Variants in SPTBN2 observed in about 807,000 individuals in gnomAD.
The protein encoded by SPTBN2 is spectrin beta, non-erythrocytic 2, also known as spectrin beta chain, non-erythrocytic 2.
SPTBN2 carries 107 observed loss-of-function variants against 284.2 expected under a neutral mutation model. The ratio of observed to expected loss-of-function variants is 0.38; its 90% confidence interval spans 0.32 to 0.44. The LOEUF is 0.44. Ranked by LOEUF, SPTBN2 falls within the 20% of genes least tolerant of loss-of-function variation. The pLI is 1.00. For synonymous variants in SPTBN2, 1,289 were observed against 1,354.8 expected (o/e 0.95, Z 1.07); for missense variants, 2,569 against 3,287.1 (o/e 0.78, Z 5.34).
chr11:66,739,419 C>T (rs1942879770), intron 1 of SPTBN2, among the ~76,000 whole-genome samples: 3 of 152,110 alleles, frequency 2.0e-5, no homozygotes, highest in South Asian at 4.1e-4. Context: ...TTTTAGTTTT[C>T]CATAGCTAAA....
Position 66,718,591 on chromosome 11 carries a change from G to A in SPTBN2, c.157+2493C>T, listed in dbSNP as rs540107447. ...CGCTGGCCTCATGCAGGCCGTTCCC[G>A]TGCACCCTGCTCACTCCGTTCCCAT... On this transcript the variant is annotated intron_variant, in intron 3 of 37. Coordinates refer to ENST00000533211, the MANE Select transcript of SPTBN2 (RefSeq NM_006946.4). The surrounding 1 kb of genome is among the most constrained non-coding windows in gnomAD (Gnocchi z 4.8). Among the ~76,000 whole-genome samples the A allele has an allele frequency of 7.9e-5, 12 of 152,282 alleles. No individual in the cohort carries two copies. Among genetic ancestry groups the A allele is most frequent in the Admixed American group, 5.2e-4 (8 of 15,302 alleles).
intron 1 of SPTBN2, among the ~76,000 whole-genome samples, chr11:66,721,908 G>A (rs1003823740): frequency 2.6e-5 from 4 of 152,040 alleles, no homozygotes; most frequent in Non-Finnish European, 5.9e-5. Context: ...TTAGCTGGGC[G>A]TAGTGGCAGG....
intron 1 of SPTBN2, among the ~76,000 whole-genome samples, chr11:66,722,737 T>C (rs995743202): frequency 4.0e-5 from 6 of 150,888 alleles, no homozygotes; most frequent in African/African-American, 1.5e-4. Flanking sequence ...CTACTAAAAA[T>C]ACAAAATTAG....
At chr11:66,737,930 T>A (rs1942865890) in intron 1 of SPTBN2, among the ~76,000 whole-genome samples, 4 of 152,208 alleles carry the variant, frequency 2.6e-5, no homozygotes. Context: ...TTCTTCTAAT[T>A]TAGGCCGGGT....
rs1939873970 is a variant in SPTBN2, at chr11:66,682,847, C to T, written c.*3024G>A. 6.6e-6 allele frequency among the ~76,000 whole-genome samples: 1 copy of T among 151,884 alleles called. No homozygotes were observed. The highest frequency in any genetic ancestry group is 2.1e-4 in the South Asian group (1 of 4,816). On this transcript the variant is annotated 3_prime_UTR_variant, in exon 38 of 38. Transcript: ENST00000533211. ...GCATGATCTCGGCTCACTGTAACCT[C>T]TGCTTCCCAGGTTCAAGCAATGCTC...
Position 66,718,346 on chromosome 11 carries a change from T to C in SPTBN2, c.158-2365A>G, listed in dbSNP as rs1368863937. 1.3e-5 allele frequency among the ~76,000 whole-genome samples: 2 copies of C among 152,226 alleles called. No individual in the cohort carries two copies. Among genetic ancestry groups the C allele is most frequent in the African/African-American group, 4.8e-5 (2 of 41,462 alleles). The stretch of plus-strand genomic sequence containing the variant: ...CAACACAAACACTGGAGTCACACTG[T>C]GTCCTGTGCCAGGTCCTCAGCTCCG... On this transcript the variant is annotated intron_variant, in intron 3 of 37. Coordinates refer to ENST00000533211, the MANE Select transcript of SPTBN2 (RefSeq NM_006946.4). The surrounding 1 kb of genome is among the most constrained non-coding windows in gnomAD (Gnocchi z 4.8).
At chr11:66,735,815 T>TA (rs1432289912) in intron 1 of SPTBN2, among the ~76,000 whole-genome samples, 3 of 152,228 alleles carry the variant, frequency 2.0e-5, no homozygotes, top group Admixed American at 6.5e-5. Context: ...TTGGTGAAGT[T>TA]AATTCTTTTT....
rs555925577 is a variant in SPTBN2, at chr11:66,718,930, G to A, written c.157+2154C>T. Among the ~76,000 whole-genome samples the A allele has an allele frequency of 6.6e-5, 10 of 152,304 alleles. No homozygotes were observed. Among genetic ancestry groups the A allele is most frequent in the East Asian group, 1.9e-4 (1 of 5,164 alleles). ...GCAGGGCCAGGCCCTGCGGGGCGGC[G>A]GAGGAGGGCACTGCCAGCGCCTTCA... On this transcript the variant is annotated intron_variant, in intron 3 of 37. Coordinates refer to ENST00000533211, the MANE Select transcript of SPTBN2 (RefSeq NM_006946.4). This position sits in a 1 kb window ranked among gnomAD's most constrained non-coding sequence, Gnocchi z 4.8.
chr11:66,707,601 C>T lies in SPTBN2; in HGVS notation c.1568G>A (p.Arg523Gln), dbSNP rs371042250. ...CAGGTTGAGGAGGAGCCGCTCCCGCCGGGCGGCCACCATCTGCCGCAAGAA... is the reference window on the plus strand; with the variant it reads ...CAGGTTGAGGAGGAGCCGCTCCCGCTGGGCGGCCACCATCTGCCGCAAGAA... ...WDFLRQMVAA[R>Q]RERLLLNLEL... Residue 523 changes from arginine (R) to glutamine (Q), a missense_variant, in exon 13 of 38, where the codon CGG becomes CAG. By Grantham distance (43) the Arg-to-Gln change is conservative. Coordinates refer to ENST00000533211, the MANE Select transcript of SPTBN2 (RefSeq NM_006946.4). This position sits in a 1 kb window ranked among gnomAD's most constrained non-coding sequence, Gnocchi z 4.9. 9 of 1,611,470 alleles carry T rather than the reference C, an allele frequency of 5.6e-6. No homozygotes were observed. Among genetic ancestry groups the T allele is most frequent in the Admixed American group, 1.7e-5 (1 of 59,984 alleles).
intron 1 of SPTBN2, chr11:66,728,063 G>T: frequency 6.8e-6 from 1 of 147,388 alleles, no homozygotes; most frequent in South Asian, 1.8e-4. Context: ...GCCGGGACCC[G>T]ACCCCGACCC....
intron 3 of SPTBN2, among the ~76,000 whole-genome samples, chr11:66,720,523 G>C (rs1299962696): frequency 6.6e-6 from 1 of 152,196 alleles, no homozygotes; most frequent in African/African-American, 2.4e-5. Context: ...AGCCAAGGCA[G>C]GCAGAGAGCA....
intron 15 of SPTBN2, among the ~76,000 whole-genome samples, chr11:66,702,534 A>G (rs1941303218): frequency 6.6e-6 from 1 of 152,182 alleles, no homozygotes; most frequent in African/African-American, 2.4e-5. Flanking sequence ...TAAATATTAT[A>G]GGCTTCGTGA....
intron 20 of SPTBN2, among the ~76,000 whole-genome samples, chr11:66,698,266 G>A (rs1252352960): frequency 1.3e-5 from 2 of 152,236 alleles, no homozygotes; most frequent in African/African-American, 4.8e-5. Flanking sequence ...GAGATGAGTA[G>A]TTGTAGTAGA....
rs1052944676 is a variant in SPTBN2, at chr11:66,684,657, AT to A, written c.*1213del. On this transcript the variant is annotated 3_prime_UTR_variant, in exon 38 of 38. Transcript: ENST00000533211. Reference sequence around the variant, plus strand: ...CTCAAAAAAAAAAAAAAAAAAGAATATATATTATCCTCTGTGTGTATATTTA... The same window carrying A: ...CTCAAAAAAAAAAAAAAAAAAGAATAATATTATCCTCTGTGTGTATATTTA... 1.3e-5 allele frequency among the ~76,000 whole-genome samples: 2 copies of A among 151,434 alleles called. No individual in the cohort carries two copies. Among genetic ancestry groups the A allele is most frequent in the African/African-American group, 4.9e-5 (2 of 41,182 alleles).
chr11:66,697,535 A>G (rs1165387138), intron 20 of SPTBN2, among the ~76,000 whole-genome samples: 1 of 152,100 alleles, frequency 6.6e-6, no homozygotes, highest in Non-Finnish European at 1.5e-5. Flanking sequence ...CCTTGCTCCC[A>G]AACAGGCACT....
intron 8 of SPTBN2, 99 bp downstream of exon 8, chr11:66,713,532 T>G: frequency 1.1e-6 from 1 of 873,750 alleles, no homozygotes; most frequent in Non-Finnish European, 1.9e-6. Context: ...TATCAGTTGG[T>G]GGTTACTCCA....
chr11:66,735,853 G>A (rs1016770545), intron 1 of SPTBN2, among the ~76,000 whole-genome samples: 1 of 152,054 alleles, frequency 6.6e-6, no homozygotes, highest in Admixed American at 6.6e-5. Flanking sequence ...GAGAGCTGAC[G>A]AACTAAGTTG....
intron 8 of SPTBN2, 28 bp from the exon 9 acceptor site, chr11:66,711,057 C>T: frequency 6.3e-7 from 1 of 1,596,192 alleles, no homozygotes; most frequent in Non-Finnish European, 8.6e-7. Flanking sequence ...TTGGGTCAGG[C>T]CTCCCAGAAG....
chr11:66,713,231 A>C (rs912132443), intron 8 of SPTBN2, among the ~76,000 whole-genome samples: 2 of 152,132 alleles, frequency 1.3e-5, no homozygotes, highest in African/African-American at 4.8e-5. Context: ...AAAAAAAAAA[A>C]AACCTGAGAA....
Sources: allele counts gnomAD v4.1 joint callset (sites outside exome capture counted in the v4.1 genomes callset), GRCh38; gene constraint gnomAD v4.1.1; non-coding constraint Gnocchi (gnomAD v3.1); transcripts MANE v1.5; gene names NCBI Gene and HGNC (gene_info 2026-07-23, HGNC 2026-07-21).